Variants in ANKIB1 observed in about 807,000 individuals in gnomAD.
The protein encoded by ANKIB1 is ankyrin repeat and IBR domain-containing protein 1.
Under a neutral mutation model 122.1 loss-of-function variants are expected in ANKIB1, and 43 were observed. That is an observed-to-expected ratio of 0.35 (90% CI 0.28 to 0.45). The LOEUF (loss-of-function observed/expected upper bound fraction) is 0.45, where lower values mean the gene tolerates loss of function less well. Among genes scored for constraint, ANKIB1 ranks in the 20% least tolerant of loss-of-function variants. ANKIB1 has a pLI of 1.00. For synonymous variants in ANKIB1, 390 were observed against 442.0 expected, an observed-to-expected ratio of 0.88 and a Z score of 1.48; for missense variants, 992 against 1,329.5, an observed-to-expected ratio of 0.75 and a Z score of 3.95.
At chr7:92,357,238 T>G (rs1803834218) in intron 9 of ANKIB1, among the ~76,000 whole-genome samples, 1 of 152,166 alleles carries the variant, frequency 6.6e-6, no homozygotes, top group Non-Finnish European at 1.5e-5. Flanking sequence ...GCAACTATTT[T>G]TTTTTTCTTT....
chr7:92,382,574 G>A (rs957593512), intron 11 of ANKIB1, among the ~76,000 whole-genome samples: 1 of 152,194 alleles, frequency 6.6e-6, no homozygotes, highest in African/African-American at 2.4e-5. Flanking sequence ...TAGAACTCAG[G>A]ATTAAGAAAC....
At chr7:92,287,242 A>C (rs1802149755) in intron 1 of ANKIB1, among the ~76,000 whole-genome samples, 1 of 152,164 alleles carries the variant, frequency 6.6e-6, no homozygotes. Context: ...GTTTTCCATT[A>C]ATGTCATTTT....
intron 11 of ANKIB1, 46 bp downstream of exon 11, chr7:92,371,653 A>G: frequency 6.4e-7 from 1 of 1,558,726 alleles, no homozygotes; most frequent in African/African-American, 1.4e-5. Context: ...TTGGAATCTT[A>G]ATTTAGTTTG....
At chr7:92,267,634 T>C (rs967845306) in intron 1 of ANKIB1, among the ~76,000 whole-genome samples, 2 of 152,250 alleles carry the variant, frequency 1.3e-5, no homozygotes, top group African/African-American at 4.8e-5. Context: ...ATTATTGTTT[T>C]ACCTTTCACA....
chr7:92,390,534 A>C (rs1804763259), intron 15 of ANKIB1, among the ~76,000 whole-genome samples: 1 of 152,212 alleles, frequency 6.6e-6, no homozygotes, highest in Non-Finnish European at 1.5e-5. Flanking sequence ...GTATTTAAAA[A>C]ACAAAAACAC....
chr7:92,289,625 G>C (rs185840403), intron 1 of ANKIB1, among the ~76,000 whole-genome samples: 2 of 152,244 alleles, frequency 1.3e-5, no homozygotes, highest in East Asian at 3.9e-4. Context: ...CTCTGGCCTC[G>C]TTCCCCTTAA....
Position 92,391,332 on chromosome 7 carries a change from C to T in ANKIB1, c.2219C>T (p.Ala740Val), listed in dbSNP as rs1804781529. The T allele has an allele frequency of 1.2e-6, 2 of 1,611,368 alleles. No homozygotes were observed. The highest frequency in any genetic ancestry group is 1.7e-6 in the Non-Finnish European group (2 of 1,178,548). Residue 740 changes from alanine to valine, a missense_variant, in exon 16 of 20, where the codon GCT (alanine) becomes GTT (valine). Transcript: ENST00000265742. ...RGVAPADSPE[A>V]PRRSFAGGTW... ...GTAGCTCCTGCAGACTCACCAGAAG[C>T]TCCAAGGCGCAGGTAAAAAGGACGT...
chr7:92,385,815 G>C lies in ANKIB1; in HGVS notation c.1618-694G>C, dbSNP rs542586422. Among the ~76,000 whole-genome samples the C allele has an allele frequency of 6.4e-4, 98 of 152,098 alleles. No homozygotes were observed. In the Middle Eastern group the frequency reaches 0.014, roughly 21 times the overall value. On this transcript the variant is annotated intron_variant, in intron 11 of 19. Transcript: ENST00000265742. ...TTAGTGGGTGCAGCAAACCAACACG[G>C]GACATGTATACATATGTGACAAGCC... is the stretch of plus-strand genomic sequence containing the variant.
intron 11 of ANKIB1, among the ~76,000 whole-genome samples, chr7:92,376,851 CTG>C (rs1804393601): frequency 6.6e-6 from 1 of 152,174 alleles, no homozygotes; most frequent in Admixed American, 6.5e-5. Flanking sequence ...TTACCTGTCT[CTG>C]TCTTCATAGA....
chr7:92,362,891 T>A (rs1318672675), intron 10 of ANKIB1, among the ~76,000 whole-genome samples: 1 of 151,342 alleles, frequency 6.6e-6, no homozygotes. Context: ...AGAATGGGTT[T>A]GAATCTCTGA....
chr7:92,356,859 A>G (rs957997870), intron 9 of ANKIB1, among the ~76,000 whole-genome samples: 1 of 152,226 alleles, frequency 6.6e-6, no homozygotes, highest in Non-Finnish European at 1.5e-5. Flanking sequence ...ATGTTAAGAG[A>G]ATTAAGTGAG....
At position 92,352,216 on chromosome 7, in the gene ANKIB1, T is replaced by A. The variant is rs961999751; in HGVS notation, c.1231-260T>A. ...AAACAATTACATTTTTGCTTTATCA[T>A]CATTTACATGGTTTTTAGATTAAAG... On this transcript the variant is annotated intron_variant, in intron 8 of 19. Coordinates refer to ENST00000265742, the MANE Select transcript of ANKIB1 (RefSeq NM_019004.2). 5.9e-5 allele frequency among the ~76,000 whole-genome samples: 9 copies of A among 152,230 alleles called. No homozygotes were observed. The South Asian group carries it at 1.7e-3, about 28-fold the overall frequency.
rs1313914830 is a variant in ANKIB1 at position 92,343,105 on chromosome 7, C to T, written c.869C>T (p.Thr290Ile). The change falls in exon 6 of 20, where the codon ACT becomes ATT. Residue 290 changes from threonine to isoleucine, a missense_variant. Thr to Ile is a moderately conservative substitution (Grantham distance 89). Coordinates refer to ENST00000265742, the MANE Select transcript of ANKIB1 (RefSeq NM_019004.2). ...CAACGATCAGGTGTTCAAATGCCAA[C>T]TCCACCACCAAGTGGGTATAATGCC... ...CCQRSGVQMP[T>I]PPPSGYNAWD... 4 of 1,613,850 alleles carry T rather than the reference C, an allele frequency of 2.5e-6. No homozygotes were observed. The highest frequency in any genetic ancestry group is 3.4e-6 in the Non-Finnish European group (4 of 1,179,886).
chr7:92,260,011 T>G (rs1801527252), intron 1 of ANKIB1, among the ~76,000 whole-genome samples: 1 of 152,228 alleles, frequency 6.6e-6, no homozygotes, highest in Admixed American at 6.5e-5. Flanking sequence ...AATGATCTGC[T>G]TCTAGCCTTT....
At chr7:92,274,245 GAAAAAACA>G (rs963176351) in intron 1 of ANKIB1, among the ~76,000 whole-genome samples, 1 of 151,898 alleles carries the variant, frequency 6.6e-6, no homozygotes, top group African/African-American at 2.4e-5. Context: ...CTGCAGATTT[GAAAAAACA>G]AAAACAAGAG....
chr7:92,288,696 G>A (rs185283968), intron 1 of ANKIB1, among the ~76,000 whole-genome samples: 4 of 152,168 alleles, frequency 2.6e-5, no homozygotes, highest in South Asian at 4.1e-4. Flanking sequence ...AAAAATGGGC[G>A]AAAGATTTAT....
At chr7:92,347,965 G>T in intron 7 of ANKIB1, 1 of 447,258 alleles carries the variant, frequency 2.2e-6, no homozygotes, top group South Asian at 1.6e-5. Flanking sequence ...TAAGCAGAGA[G>T]AGCCTACCTA....
chr7:92,298,274 A>G (rs945040209), intron 2 of ANKIB1, among the ~76,000 whole-genome samples: 2 of 152,046 alleles, frequency 1.3e-5, no homozygotes, highest in East Asian at 1.9e-4. Context: ...AAGTGAAATT[A>G]TAAAACTGTT....
At position 92,376,638 on chromosome 7, in the gene ANKIB1, G is replaced by A. The variant is rs190069598; in HGVS notation, c.1617+5031G>A. ...TAATTTTTGTATTTTTAGTAGAGAA[G>A]GGGTTTCACCATGTTTGCTAGGCTG... On this transcript the variant is annotated intron_variant, in intron 11 of 19. Transcript: ENST00000265742. Among the ~76,000 whole-genome samples the A allele has an allele frequency of 3.6e-4, 54 of 151,874 alleles. No individual in the cohort carries two copies. In the East Asian group the frequency reaches 0.01, roughly 29 times the overall value.
Sources: allele counts gnomAD v4.1 joint callset (sites outside exome capture counted in the v4.1 genomes callset), GRCh38; gene constraint gnomAD v4.1.1; transcripts MANE v1.5; gene names NCBI Gene and HGNC (gene_info 2026-07-23, HGNC 2026-07-21).